Variants in ADCY2 observed in about 807,000 individuals in gnomAD.
The protein encoded by ADCY2 is adenylate cyclase type 2.
ADCY2 carries 31 observed loss-of-function variants against 125.2 expected under a neutral mutation model. The observed-to-expected ratio is 0.25, with a 90% CI of 0.19 to 0.33. ADCY2 has a LOEUF of 0.33. Among genes scored for constraint, ADCY2 ranks in the 10% least tolerant of loss-of-function variants. The pLI, the probability that ADCY2 is intolerant of heterozygous loss-of-function variation, is 1.00. For missense variants in ADCY2, 904 were observed against 1,418.2 expected (o/e 0.64, Z 5.82); for synonymous variants, 512 against 548.4 (o/e 0.93, Z 0.93).
intron 15 of ADCY2, among the ~76,000 whole-genome samples, chr5:7,748,454 G>C (rs529324670): frequency 2.0e-5 from 3 of 151,852 alleles, no homozygotes; most frequent in East Asian, 1.9e-4. Context: ...GACTCCAAAG[G>C]TGCCATCCAC....
intron 7 of ADCY2, among the ~76,000 whole-genome samples, chr5:7,704,043 A>T (rs913071888): frequency 6.8e-6 from 1 of 147,370 alleles, no homozygotes; most frequent in Non-Finnish European, 1.5e-5. Context: ...TACCCCCATG[A>T]AAGGGCAGCA....
At chr5:7,819,758 A>G (rs778797785) in intron 23 of ADCY2, among the ~76,000 whole-genome samples, 2 of 152,204 alleles carry the variant, frequency 1.3e-5, no homozygotes, top group African/African-American at 2.4e-5. Flanking sequence ...AATATTGCCA[A>G]CAAAAGCGAT....
At chr5:7,693,410 T>TTTTG (rs1191061956) in intron 5 of ADCY2, among the ~76,000 whole-genome samples, 1 of 68,424 alleles carries the variant, frequency 1.5e-5, no homozygotes, top group African/African-American at 4.2e-5. Flanking sequence ...CCTGCTGTTT[T>TTTTG]TTGTTTTTTT....
intron 2 of ADCY2, among the ~76,000 whole-genome samples, chr5:7,481,772 TTGTGTG>T (rs35724998): frequency 6.7e-6 from 1 of 149,838 alleles, no homozygotes; most frequent in Non-Finnish European, 1.5e-5. Flanking sequence ...CCATGCTGAT[TTGTGTG>T]TGTGTGTGTG....
intron 4 of ADCY2, among the ~76,000 whole-genome samples, chr5:7,684,477 A>T (rs1388339975): frequency 6.6e-6 from 1 of 152,234 alleles, no homozygotes; most frequent in Non-Finnish European, 1.5e-5. Flanking sequence ...CCGGTTTAGA[A>T]ATACCAATTT....
intron 4 of ADCY2, 23 bp downstream of exon 4, chr5:7,626,339 T>C: frequency 6.2e-7 from 1 of 1,611,118 alleles, no homozygotes; most frequent in Non-Finnish European, 8.5e-7. Context: ...TCATCTTACA[T>C]CCACATTATT....
At chr5:7,805,122 C>T (rs1250704201) in intron 22 of ADCY2, among the ~76,000 whole-genome samples, 1 of 151,582 alleles carries the variant, frequency 6.6e-6, no homozygotes, top group African/African-American at 2.4e-5. Flanking sequence ...TTGAGACCAA[C>T]CTGGGCAACA....
At chr5:7,445,165 C>T (rs974421241) in intron 2 of ADCY2, among the ~76,000 whole-genome samples, 3 of 152,206 alleles carry the variant, frequency 2.0e-5, no homozygotes, top group Non-Finnish European at 2.9e-5. Flanking sequence ...TTTCCCCTCA[C>T]TCCCACTGCT....
At chr5:7,489,965 T>G (rs576167405) in intron 2 of ADCY2, among the ~76,000 whole-genome samples, 1 of 152,250 alleles carries the variant, frequency 6.6e-6, no homozygotes, top group South Asian at 2.1e-4. Context: ...TTATTCCTGA[T>G]TTTTGTGCTT....
At chr5:7,403,610 T>C (rs1163711856) in intron 1 of ADCY2, among the ~76,000 whole-genome samples, 1 of 152,246 alleles carries the variant, frequency 6.6e-6, no homozygotes, top group Non-Finnish European at 1.5e-5. Context: ...TTTCTTTCTA[T>C]ATGCTCAACT....
intron 3 of ADCY2, among the ~76,000 whole-genome samples, chr5:7,526,612 A>C (rs2126540202): frequency 1.3e-5 from 2 of 152,312 alleles, no homozygotes; most frequent in Middle Eastern, 6.8e-3. Flanking sequence ...TATATCAATA[A>C]AGAAAAAAAG....
At chr5:7,635,854 T>G (rs533035299) in intron 4 of ADCY2, among the ~76,000 whole-genome samples, 17 of 152,332 alleles carry the variant, frequency 1.1e-4, no homozygotes, top group African/African-American at 2.6e-4. Context: ...TAGTCTTGAG[T>G]TCCCTCTCAT....
chr5:7,674,973 G>A (rs1740070348), intron 4 of ADCY2, among the ~76,000 whole-genome samples: 1 of 152,070 alleles, frequency 6.6e-6, no homozygotes, highest in East Asian at 1.9e-4. Context: ...GGCTAACATG[G>A]TGAAACTCCG....
At chr5:7,405,966 C>A (rs1739473463) in intron 1 of ADCY2, among the ~76,000 whole-genome samples, 1 of 152,100 alleles carries the variant, frequency 6.6e-6, no homozygotes, top group Admixed American at 6.5e-5. Context: ...CTCAAGTTAT[C>A]CTCCCATCTC....
chr5:7,474,295 C>A (rs1742441594), intron 2 of ADCY2, among the ~76,000 whole-genome samples: 1 of 152,146 alleles, frequency 6.6e-6, no homozygotes, highest in African/African-American at 2.4e-5. Flanking sequence ...GAAGATACTG[C>A]ATACAAGGAC....
At chr5:7,508,697 G>A (rs1405829453) in intron 2 of ADCY2, among the ~76,000 whole-genome samples, 9 of 152,188 alleles carry the variant, frequency 5.9e-5, no homozygotes, top group Non-Finnish European at 1.3e-4. Context: ...TTCACCTGCC[G>A]GCTTCCATGG....
At chr5:7,625,876 T>A (rs771247309) in intron 3 of ADCY2, among the ~76,000 whole-genome samples, 9 of 152,202 alleles carry the variant, frequency 5.9e-5, no homozygotes, top group Non-Finnish European at 1.3e-4. Context: ...CGTGATTATT[T>A]CTGTCCACAT....
At chr5:7,498,751 T>C (rs1743439239) in intron 2 of ADCY2, among the ~76,000 whole-genome samples, 1 of 152,128 alleles carries the variant, frequency 6.6e-6, no homozygotes, top group Admixed American at 6.5e-5. Flanking sequence ...GTGGTAGTAG[T>C]TTAAATTAGA....
intron 11 of ADCY2, among the ~76,000 whole-genome samples, chr5:7,714,920 C>A (rs1052377101): frequency 3.9e-5 from 6 of 152,198 alleles, no homozygotes; most frequent in African/African-American, 1.4e-4. Context: ...TGGCATGGGC[C>A]TGGGGAAGGA....
Sources: allele counts gnomAD v4.1 joint callset (sites outside exome capture counted in the v4.1 genomes callset), GRCh38; gene constraint gnomAD v4.1.1; transcripts MANE v1.5; gene names NCBI Gene and HGNC (gene_info 2026-07-23, HGNC 2026-07-21).